The following POLK variants were observed in gnomAD, a reference collection of about 807,000 sequenced individuals.
The protein encoded by POLK is DNA polymerase kappa, also known as polymerase (DNA directed) kappa.
POLK carries 76 observed loss-of-function variants against 94.0 expected under a neutral mutation model. That is an observed-to-expected ratio of 0.81 (90% CI 0.67 to 0.98). The LOEUF is 0.98. Ranked by LOEUF, POLK falls within the 50% of genes least tolerant of loss-of-function variation. The pLI is 0.00. For missense variants in POLK, 954 were observed against 1,010.1 expected, an observed-to-expected ratio of 0.94 and a Z score of 0.75; for synonymous variants, 349 against 325.4, an observed-to-expected ratio of 1.07 and a Z score of -0.78.
At chr5:75,585,390 G>T (rs984952852) in intron 9 of POLK, among the ~76,000 whole-genome samples, 1 of 152,202 alleles carries the variant, frequency 6.6e-6, no homozygotes, top group Non-Finnish European at 1.5e-5. Flanking sequence ...AGGCACTGTA[G>T]ATAACAGCAG....
intron 1 of POLK, among the ~76,000 whole-genome samples, chr5:75,516,399 A>G (rs1580898478): frequency 6.6e-6 from 1 of 152,246 alleles, no homozygotes; most frequent in East Asian, 1.9e-4. Flanking sequence ...TCTGGGCAAC[A>G]TAGGGAGACC....
chr5:75,594,142 A>G (rs773462158), intron 12 of POLK, 93 bp downstream of exon 12: 12 of 765,456 alleles, frequency 1.6e-5, no homozygotes, highest in East Asian at 1.0e-4. Flanking sequence ...CAACTTAACA[A>G]TGGTTCAACT....
At chr5:75,511,702 C>G, upstream of POLK, 3 of 1,543,748 alleles carry the variant, frequency 1.9e-6, no homozygotes, top group Non-Finnish European at 2.6e-6. Flanking sequence ...GCCCCGTCCC[C>G]CTCCCGGCGT....
chr5:75,525,955 A>G (rs1379139367), intron 1 of POLK, among the ~76,000 whole-genome samples: 2 of 152,190 alleles, frequency 1.3e-5, no homozygotes, highest in Non-Finnish European at 2.9e-5. Flanking sequence ...TCTAACCTCA[A>G]TTTCCTTATG....
intron 2 of POLK, 25 bp from the exon 3 acceptor site, chr5:75,552,447 T>G: frequency 6.2e-7 from 1 of 1,601,376 alleles, no homozygotes; most frequent in Admixed American, 1.8e-5. Context: ...ATTTTTCTTA[T>G]GCTTTGTTTT....
intron 5 of POLK, among the ~76,000 whole-genome samples, chr5:75,574,870 A>G (rs1188331343): frequency 6.6e-6 from 1 of 152,242 alleles, no homozygotes; most frequent in Non-Finnish European, 1.5e-5. Context: ...GAGATAAAAT[A>G]CTAATCATAA....
chr5:75,511,006 C>A (rs1767948160), upstream of POLK: 1 of 1,390,894 alleles, frequency 7.2e-7, no homozygotes, highest in Non-Finnish European at 9.4e-7. Flanking sequence ...AGCCTCGCAC[C>A]CCGGCACGTT....
At chr5:75,539,985 T>C (rs1769654540) in intron 1 of POLK, among the ~76,000 whole-genome samples, 1 of 152,162 alleles carries the variant, frequency 6.6e-6, no homozygotes, top group Admixed American at 6.5e-5. Context: ...TAAGGAGTTT[T>C]AAACCCCTGC....
chr5:75,560,600 C>T (rs111790793), intron 3 of POLK, among the ~76,000 whole-genome samples: 12,223 of 152,120 alleles, frequency 0.08, 582 homozygotes, highest in South Asian at 0.17. Flanking sequence ...ACATGTGCCA[C>T]GGTGGTCTGC....
At chr5:75,574,423 A>C (rs1771756293) in intron 5 of POLK, among the ~76,000 whole-genome samples, 1 of 152,164 alleles carries the variant, frequency 6.6e-6, no homozygotes, top group African/African-American at 2.4e-5. Context: ...ATTTACTAAA[A>C]TTGCCAAACT....
intron 1 of POLK, among the ~76,000 whole-genome samples, chr5:75,523,305 G>C (rs1280312551): frequency 6.6e-6 from 1 of 152,102 alleles, no homozygotes; most frequent in East Asian, 1.9e-4. Flanking sequence ...TCATTTTTCA[G>C]GTTTCCACAT....
intron 1 of POLK, among the ~76,000 whole-genome samples, chr5:75,544,541 C>G (rs1405748644): frequency 6.6e-6 from 1 of 152,132 alleles, no homozygotes; most frequent in Admixed American, 6.5e-5. Context: ...ACTTGGGAGG[C>G]TGAGGCAGGA....
At chr5:75,533,465 C>T (rs755709415) in intron 1 of POLK, among the ~76,000 whole-genome samples, 79 of 152,248 alleles carry the variant, frequency 5.2e-4, no homozygotes, top group South Asian at 1.2e-3. Context: ...GTACTGCTAC[C>T]GTGCTGTTTT....
intron 1 of POLK, among the ~76,000 whole-genome samples, chr5:75,519,434 TG>T (rs1768467981): frequency 6.6e-6 from 1 of 152,186 alleles, no homozygotes; most frequent in South Asian, 2.1e-4. Context: ...GTTTCTTTGT[TG>T]ATTTTCTGTC....
chr5:75,585,035 C>A, intron 9 of POLK, 109 bp downstream of exon 9: 1 of 720,284 alleles, frequency 1.4e-6, no homozygotes. Flanking sequence ...TTCTTTCAGG[C>A]TAGTTTAATT....
intron 2 of POLK, 44 bp from the exon 3 acceptor site, chr5:75,552,428 C>T (rs1580999573): frequency 6.3e-7 from 1 of 1,588,314 alleles, no homozygotes; most frequent in Middle Eastern, 1.7e-4. Context: ...GTGATGCTTT[C>T]CTTCAGACAT....
intron 3 of POLK, among the ~76,000 whole-genome samples, chr5:75,563,540 A>G (rs1436523440): frequency 2.0e-5 from 3 of 152,186 alleles, no homozygotes. Flanking sequence ...ATTTAGTGCT[A>G]TAAATTTACC....
intron 1 of POLK, among the ~76,000 whole-genome samples, chr5:75,537,746 GTATTT>G (rs1346715944): frequency 1.3e-5 from 2 of 152,060 alleles, no homozygotes; most frequent in African/African-American, 4.8e-5. Context: ...ATTATTGAAA[GTATTT>G]TAGTAGTGTT....
intron 11 of POLK, among the ~76,000 whole-genome samples, chr5:75,591,655 G>A (rs1479093867): frequency 6.6e-6 from 1 of 152,086 alleles, no homozygotes; most frequent in Non-Finnish European, 1.5e-5. Flanking sequence ...TCAGTCCAGG[G>A]GACTACATTG....
Sources: allele counts gnomAD v4.1 joint callset (sites outside exome capture counted in the v4.1 genomes callset), GRCh38; gene constraint gnomAD v4.1.1; transcripts MANE v1.5; gene names NCBI Gene and HGNC (gene_info 2026-07-23, HGNC 2026-07-21).